Variants in UBA6 observed in about 807,000 individuals in gnomAD.
UBA6 encodes the protein ubiquitin like modifier activating enzyme 6.
Under a neutral mutation model 148.3 loss-of-function variants are expected in UBA6, and 87 were observed. The ratio of observed to expected loss-of-function variants is 0.59; its 90% CI spans 0.49 to 0.70. UBA6 has a LOEUF of 0.70. Ranked by LOEUF, UBA6 falls within the 30% of genes least tolerant of loss-of-function variation. The pLI is 0.00. For synonymous variants in UBA6, 376 were observed against 401.0 expected, an observed-to-expected ratio of 0.94 and a Z score of 0.75; for missense variants, 1,186 against 1,241.2, an observed-to-expected ratio of 0.96 and a Z score of 0.67.
intron 11 of UBA6, chr4:67,663,421 C>T (rs1480632888): frequency 4.5e-6 from 2 of 444,168 alleles, no homozygotes. Flanking sequence ...ATGATCTAAT[C>T]CCCTTTCCTT....
At chr4:67,694,215 C>CAAAAA (rs769649769) in intron 2 of UBA6, among the ~76,000 whole-genome samples, 221 of 41,884 alleles carry the variant, frequency 5.3e-3, no homozygotes, top group East Asian at 6.9e-3. Flanking sequence ...GACTCCATCT[C>CAAAAA]AAAAAAAAAA....
At position 67,701,057 on chromosome 4, in the gene UBA6, C is replaced by A. The variant is rs571832522; in HGVS notation, c.63G>T (p.Gly21=). 3.8e-5 allele frequency: 61 copies of A among 1,613,776 alleles called. 2 individuals are homozygous for A. The South Asian group carries it at 5.3e-4, about 14-fold the overall frequency. ...CCTTCTCGTCCTCTCACCTGCCAGT[C>A]CCCCAGGAAGAACAGGACGCCTCTT... ...QGEEASCSSW[G]TGSTNKNLPI... is the part of the protein sequence containing the mutation. Residue 21 remains glycine (G), a synonymous_variant, in exon 1 of 33, where the codon GGG becomes GGT. Coordinates refer to ENST00000322244, the MANE Select transcript of UBA6 (RefSeq NM_018227.6).
intron 6 of UBA6, 74 bp downstream of exon 6, chr4:67,677,533 ATTAG>A (rs1290402957): frequency 1.0e-5 from 7 of 674,408 alleles, no homozygotes; most frequent in African/African-American, 7.6e-5. Context: ...ACTAGGTTAA[ATTAG>A]TTAAACATAT....
At chr4:67,620,937 T>A (rs950480134) in intron 32 of UBA6, among the ~76,000 whole-genome samples, 2 of 152,194 alleles carry the variant, frequency 1.3e-5, no homozygotes, top group Non-Finnish European at 1.5e-5. Flanking sequence ...ATAATCCCAC[T>A]GACTGACTTA....
Position 67,677,663 on chromosome 4 carries a change from G to A in UBA6, c.413C>T (p.Ser138Phe), listed in dbSNP as rs1730315826. 1 of 1,608,048 alleles carries A rather than the reference G, an allele frequency of 6.2e-7. No individual in the cohort carries two copies. Among genetic ancestry groups the A allele is most frequent in the African/African-American group, 1.3e-5 (1 of 74,704 alleles). ...ELNPYVHVTS[S>F]SVPFNETTDL... Reference sequence around the variant, plus strand: ...TGTGGTCTCATTGAAAGGAACAGAAGATGATGTGACATGAACGTATGGATT... The same window carrying A: ...TGTGGTCTCATTGAAAGGAACAGAAAATGATGTGACATGAACGTATGGATT... Residue 138 changes from serine (S) to phenylalanine (F), a missense_variant, in exon 6 of 33, where the codon TCT becomes TTT. Ser to Phe is a radical substitution (Grantham distance 155). Transcript: ENST00000322244.
chr4:67,692,260 G>A (rs1405771596), intron 2 of UBA6, among the ~76,000 whole-genome samples: 2 of 152,140 alleles, frequency 1.3e-5, no homozygotes, highest in South Asian at 2.1e-4. Flanking sequence ...ACGCCATAAG[G>A]AAAATCACTG....
intron 10 of UBA6, 39 bp from the exon 11 acceptor site, chr4:67,663,986 AG>A: frequency 6.5e-7 from 1 of 1,531,216 alleles, no homozygotes; most frequent in Middle Eastern, 1.7e-4. Context: ...AGAGTGAGTG[AG>A]TGATTATTTG....
At position 67,668,649 on chromosome 4, in the gene UBA6, A is replaced by C. The variant is rs939949456; in HGVS notation, c.695T>G (p.Leu232Arg). 6.2e-7 allele frequency: 1 copy of C among 1,613,116 alleles called. No individual in the cohort carries two copies. The highest frequency in any genetic ancestry group is 8.5e-7 in the Non-Finnish European group (1 of 1,179,378). Residue 232 changes from leucine (L) to arginine (R), a missense_variant, in exon 9 of 33, where the codon CTT (leucine) becomes CGT (arginine). By Grantham distance (102) the Leu-to-Arg change is moderately radical. Coordinates refer to ENST00000322244, the MANE Select transcript of UBA6 (RefSeq NM_018227.6). ...CTCCAGTTTGTGAGGATGATTTTCA[A>C]GGCAAGTAACAATGCCAGGATTTGC... ...TQANPGIVTC[L>R]ENHPHKLETG... is the part of the protein sequence containing the mutation.
chr4:67,635,446 C>A lies in UBA6; in HGVS notation c.1842+7G>T. 6.8e-7 allele frequency: 1 copy of A among 1,477,526 alleles called. No individual in the cohort carries two copies. Among genetic ancestry groups the A allele is most frequent in the East Asian group, 2.3e-5 (1 of 44,068 alleles). 91.5% of individuals were successfully genotyped at this position (1,477,526 alleles called of 1,614,324 possible). On this transcript the variant is annotated splice_region_variant and intron_variant, in intron 20 of 32. Transcript: ENST00000322244. ...AGACATCTATTTCAAAATATTGATTCACTTACATGACTATTGTAAGACTCA... is the reference window on the plus strand; with the variant it reads ...AGACATCTATTTCAAAATATTGATTAACTTACATGACTATTGTAAGACTCA...
At chr4:67,635,344 T>C (rs1388254132) in intron 20 of UBA6, 109 bp downstream of exon 20, 19 of 651,344 alleles carry the variant, frequency 2.9e-5, no homozygotes, top group Non-Finnish European at 2.4e-5. Context: ...ATGAACATCA[T>C]TGGCAGAGCA....
rs752438681 is a variant in UBA6 at position 67,623,231 on chromosome 4, G to A, written c.2841-9C>T. On this transcript the variant is annotated splice_polypyrimidine_tract_variant and intron_variant, in intron 30 of 32. Coordinates refer to ENST00000322244, the MANE Select transcript of UBA6 (RefSeq NM_018227.6). ...TAAATGATATTCCATTTCTGTTACA[G>A]AAAAATATTCAGAACAGAAACATTG... The A allele has an allele frequency of 3.1e-6, 5 of 1,597,700 alleles. No individual in the cohort carries two copies. Among genetic ancestry groups the A allele is most frequent in the Non-Finnish European group, 4.3e-6 (5 of 1,166,708 alleles).
Position 67,613,906 on chromosome 4 carries a change from A to T in UBA6, c.*5091T>A, listed in dbSNP as rs1435842625. 1 of 152,206 alleles carries T rather than the reference A, an allele frequency of 6.6e-6. No homozygotes were observed. Among genetic ancestry groups the T allele is most frequent in the Non-Finnish European group, 1.5e-5 (1 of 68,038 alleles). 9.4% of individuals were successfully genotyped at this position (152,206 alleles called of 1,614,324 possible). On this transcript the variant is annotated 3_prime_UTR_variant, in exon 33 of 33. Transcript: ENST00000322244. ...GCCATATCTTGAAATGGCCCTGCAAAGCCATCCCTTGTGGGAAAAATCTAC... is the reference window on the plus strand; with the variant it reads ...GCCATATCTTGAAATGGCCCTGCAATGCCATCCCTTGTGGGAAAAATCTAC...
At chr4:67,630,249 G>A (rs1277758468) in intron 26 of UBA6, among the ~76,000 whole-genome samples, 1 of 152,088 alleles carries the variant, frequency 6.6e-6, no homozygotes, top group Non-Finnish European at 1.5e-5. Context: ...CTGTTTCACT[G>A]CTTCAATTCA....
At chr4:67,689,859 A>ATGATTAT (rs1452083503) in intron 2 of UBA6, among the ~76,000 whole-genome samples, 1 of 152,152 alleles carries the variant, frequency 6.6e-6, no homozygotes, top group Non-Finnish European at 1.5e-5. Flanking sequence ...TAATCATTTA[A>ATGATTAT]TGAGTATCTT....
intron 1 of UBA6, among the ~76,000 whole-genome samples, chr4:67,699,704 C>A (rs1387364827): frequency 3.9e-5 from 6 of 152,092 alleles, no homozygotes; most frequent in Admixed American, 2.0e-4. Flanking sequence ...TAGACTCAAG[C>A]GATCCTCTCA....
intron 13 of UBA6, among the ~76,000 whole-genome samples, chr4:67,652,534 A>G (rs1418535066): frequency 6.6e-6 from 1 of 152,214 alleles, no homozygotes; most frequent in East Asian, 1.9e-4. Flanking sequence ...GCAGTTTCTT[A>G]TAAAATTAAA....
intron 1 of UBA6, among the ~76,000 whole-genome samples, chr4:67,698,650 G>A (rs1483996597): frequency 6.6e-6 from 1 of 152,044 alleles, no homozygotes; most frequent in East Asian, 1.9e-4. Flanking sequence ...TAGACATAAA[G>A]GAAACACTTA....
Position 67,625,207 on chromosome 4 carries a change from A to T in UBA6, c.2519-20T>A. 1.3e-6 allele frequency: 2 copies of T among 1,567,498 alleles called. No individual in the cohort carries two copies. Among genetic ancestry groups the T allele is most frequent in the South Asian group, 2.3e-5 (2 of 85,444 alleles). The stretch of plus-strand genomic sequence containing the variant: ...GGTCACCTGATTATACCAACCAGAT[A>T]AACAAAGTTCCACAGCAAGCAGTAA... On this transcript the variant is annotated intron_variant, in intron 28 of 32. Transcript: ENST00000322244.
At chr4:67,697,797 C>G (rs2109963828) in intron 1 of UBA6, among the ~76,000 whole-genome samples, 1 of 152,360 alleles carries the variant, frequency 6.6e-6, no homozygotes, top group East Asian at 1.9e-4. Flanking sequence ...AAAGACCTAG[C>G]TAGTCTCCTT....
Sources: allele counts gnomAD v4.1 joint callset (sites outside exome capture counted in the v4.1 genomes callset), GRCh38; gene constraint gnomAD v4.1.1; transcripts MANE v1.5; gene names NCBI Gene and HGNC (gene_info 2026-07-23, HGNC 2026-07-21).